Variants in BRINP1 observed in about 807,000 individuals in gnomAD.
BRINP1 encodes the protein BMP/retinoic acid-inducible neural-specific protein 1.
In BRINP1, 17 loss-of-function variants were observed where a neutral mutation model predicts 72.9. That is an observed-to-expected ratio of 0.23 (90% CI 0.16 to 0.35). BRINP1 has a LOEUF of 0.35. BRINP1 is among the 10% of genes least tolerant of loss of function. The pLI is 1.00. For missense variants in BRINP1, 850 were observed against 1,001.6 expected (o/e 0.85, Z 2.04); for synonymous variants, 418 against 378.5 (o/e 1.10, Z -1.21).
intron 2 of BRINP1, chr9:119,283,196 G>A: frequency 1.0e-6 from 1 of 984,086 alleles, no homozygotes; most frequent in Non-Finnish European, 1.2e-6. Context: ...TAGAATGAAG[G>A]GGTGGAAACA....
In BRINP1 at chr9:119,238,686, CAGA is replaced by C; in HGVS notation, c.651_653del (p.Leu218del). Reference sequence around the variant, plus strand: ...GGTGCAGTTTGCTCTCCGTGCTTTGCAGAAGGACGGAACTCACAGAGTCCAGAT... The same window carrying C: ...GGTGCAGTTTGCTCTCCGTGCTTTGCAGGACGGAACTCACAGAGTCCAGAT... On this transcript the variant is annotated inframe_deletion, in exon 5 of 8. Transcript: ENST00000265922. The C allele has an allele frequency of 6.2e-7, 1 of 1,611,688 alleles. No individual in the cohort carries two copies. Among genetic ancestry groups the C allele is most frequent in the Non-Finnish European group, 8.5e-7 (1 of 1,179,386 alleles).
chr9:119,237,508 G>A (rs941297603), intron 5 of BRINP1, among the ~76,000 whole-genome samples: 5 of 151,844 alleles, frequency 3.3e-5, no homozygotes, highest in Admixed American at 1.3e-4. Flanking sequence ...GACTACAGGC[G>A]CCTGCCACCA....
intron 1 of BRINP1, among the ~76,000 whole-genome samples, chr9:119,364,567 G>T (rs1364514186): frequency 6.6e-6 from 1 of 152,164 alleles, no homozygotes; most frequent in Non-Finnish European, 1.5e-5. Context: ...ACCCGATGTT[G>T]CCAACCATTC....
At chr9:119,229,984 A>T (rs751877739) in intron 5 of BRINP1, among the ~76,000 whole-genome samples, 2 of 152,012 alleles carry the variant, frequency 1.3e-5, no homozygotes, top group Non-Finnish European at 2.9e-5. Context: ...TAATAAAAGG[A>T]TGATGATACT....
chr9:119,195,837 T>A (rs1040443273), intron 7 of BRINP1, among the ~76,000 whole-genome samples: 1 of 152,224 alleles, frequency 6.6e-6, no homozygotes, highest in African/African-American at 2.4e-5. Context: ...ACCTGTGGTA[T>A]CACACCAAAT....
intron 7 of BRINP1, among the ~76,000 whole-genome samples, chr9:119,205,097 C>T (rs1387883597): frequency 2.0e-5 from 3 of 152,096 alleles, no homozygotes; most frequent in East Asian, 1.9e-4. Flanking sequence ...CACCTCTGTC[C>T]GACACTGCTC....
At chr9:119,268,752 G>A (rs1051319345) in intron 2 of BRINP1, among the ~76,000 whole-genome samples, 1 of 152,018 alleles carries the variant, frequency 6.6e-6, no homozygotes, top group Non-Finnish European at 1.5e-5. Context: ...CTTATTTATT[G>A]CACGGCTCAT....
intron 2 of BRINP1, among the ~76,000 whole-genome samples, chr9:119,275,679 G>C (rs78235155): frequency 0.016 from 2,420 of 152,268 alleles, 50 homozygotes; most frequent in African/African-American, 0.056. Flanking sequence ...AAAATCTCCA[G>C]TAATACCTAT....
In BRINP1 at chr9:119,167,839, G is replaced by C; in HGVS notation, c.1531C>G (p.Arg511Gly). Residue 511 changes from arginine (R) to glycine (G), a missense_variant, in exon 8 of 8, where the codon CGC (arginine) becomes GGC (glycine). Coordinates refer to ENST00000265922, the MANE Select transcript of BRINP1 (RefSeq NM_014618.3). This position sits in a 1 kb window ranked among gnomAD's most constrained non-coding sequence, Gnocchi z 4.3. ...CGAGGGTCAAAGAAGGTGTCGAGGC[G>C]GATCTCGTTGCTGATGAAGGTGGTG... ...VHTTFISNEI[R>G]LDTFFDPRWR... 1.2e-6 allele frequency: 2 copies of C among 1,614,186 alleles called. No individual in the cohort carries two copies. Among genetic ancestry groups the C allele is most frequent in the Non-Finnish European group, 1.7e-6 (2 of 1,180,036 alleles).
intron 6 of BRINP1, among the ~76,000 whole-genome samples, chr9:119,210,459 C>T (rs1202889502): frequency 6.6e-6 from 1 of 152,062 alleles, no homozygotes; most frequent in Non-Finnish European, 1.5e-5. Flanking sequence ...TTATAGCAAA[C>T]CTATGAGGTA....
chr9:119,208,580 A>T, intron 7 of BRINP1, 139 bp downstream of exon 7: 1 of 753,932 alleles, frequency 1.3e-6, no homozygotes, highest in East Asian at 2.7e-5. Flanking sequence ...CAATCCAGAA[A>T]ATTGTTGGTC....
At chr9:119,226,045 C>A (rs1219257586) in intron 5 of BRINP1, among the ~76,000 whole-genome samples, 1 of 151,852 alleles carries the variant, frequency 6.6e-6, no homozygotes, top group Non-Finnish European at 1.5e-5. Context: ...CTCCTCTCAG[C>A]GATCTCAGTT....
intron 1 of BRINP1, among the ~76,000 whole-genome samples, chr9:119,338,886 A>T (rs1831379674): frequency 6.6e-6 from 1 of 151,168 alleles, no homozygotes; most frequent in South Asian, 2.1e-4. Flanking sequence ...CTCCGTCTCA[A>T]AAAAAACAAA....
At chr9:119,349,737 T>C (rs547334217) in intron 1 of BRINP1, among the ~76,000 whole-genome samples, 124 of 152,284 alleles carry the variant, frequency 8.1e-4, no homozygotes, top group African/African-American at 2.8e-3. Flanking sequence ...TGGGTTCGGG[T>C]TGCAGTCAGC....
chr9:119,223,476 C>G (rs1268427571), intron 5 of BRINP1, among the ~76,000 whole-genome samples: 4 of 152,060 alleles, frequency 2.6e-5, no homozygotes, highest in Non-Finnish European at 4.4e-5. Flanking sequence ...CTGCTGGCAA[C>G]CAAAAGCACC....
intron 1 of BRINP1, among the ~76,000 whole-genome samples, chr9:119,317,641 C>G (rs559001194): frequency 5.9e-5 from 9 of 152,324 alleles, no homozygotes; most frequent in Non-Finnish European, 1.3e-4. Flanking sequence ...ACGTAAAATA[C>G]TATCAAACGG....
At position 119,168,186 on chromosome 9, in the gene BRINP1, A is replaced by G; in HGVS notation, c.1184T>C (p.Leu395Pro). The G allele has an allele frequency of 6.5e-7, 1 of 1,545,854 alleles. No individual in the cohort carries two copies. Among genetic ancestry groups the G allele is most frequent in the Non-Finnish European group, 8.7e-7 (1 of 1,145,712 alleles). The change falls in exon 8 of 8, where the codon CTC becomes CCC. Residue 395 changes from leucine (L) to proline (P), a missense_variant. Transcript: ENST00000265922. ...QQWLARVQSLLYCNENGFWGT... is the reference protein window; with the variant it reads ...QQWLARVQSLPYCNENGFWGT... ...CCAAAACCCATTCTCATTACAGTAG[A>G]GGAGTGACTGGACCCTTGCAAGCCA...
At chr9:119,257,928 C>T (rs1830460923) in intron 2 of BRINP1, among the ~76,000 whole-genome samples, 1 of 151,978 alleles carries the variant, frequency 6.6e-6, no homozygotes, top group African/African-American at 2.4e-5. Flanking sequence ...GAAACAGCCA[C>T]ATCCAGGCAG....
chr9:119,335,309 T>C (rs1831336593), intron 1 of BRINP1, among the ~76,000 whole-genome samples: 1 of 152,208 alleles, frequency 6.6e-6, no homozygotes, highest in Non-Finnish European at 1.5e-5. Flanking sequence ...TAATTCATCA[T>C]GTGATCTGAG....
Sources: gnomAD v4.1 joint callset for allele counts (sites outside exome capture counted in the v4.1 genomes callset) on GRCh38, gnomAD v4.1.1 for gene constraint, Gnocchi (gnomAD v3.1) non-coding constraint, MANE v1.5 for transcripts, NCBI Gene and HGNC (gene_info 2026-07-23, HGNC 2026-07-21) for gene names.